Variants in EFNA5 observed in about 807,000 individuals in gnomAD.
The protein encoded by EFNA5 is ephrin-A5.
A neutral mutation model predicts 22.9 loss-of-function variants in EFNA5; 5 were observed. The ratio of observed to expected loss-of-function variants is 0.22; its 90% confidence interval spans 0.11 to 0.46. The LOEUF is 0.46. EFNA5 is among the 20% of genes least tolerant of loss of function. EFNA5 has a pLI of 0.99. For missense variants in EFNA5, 237 were observed against 293.3 expected (o/e 0.81, Z 1.40); for synonymous variants, 113 against 112.2 (o/e 1.01, Z -0.04).
At chr5:107,486,076 T>C (rs25980) in intron 1 of EFNA5, among the ~76,000 whole-genome samples, 91,105 of 152,074 alleles carry the variant, frequency 0.6, 29,375 homozygotes, top group East Asian at 0.85. Context: ...GTCTCGCAGG[T>C]GAAATGACAT....
chr5:107,547,995 T>C (rs1415689349), intron 1 of EFNA5, among the ~76,000 whole-genome samples: 1 of 152,212 alleles, frequency 6.6e-6, no homozygotes, highest in Non-Finnish European at 1.5e-5. Flanking sequence ...AGAAGGTCTA[T>C]ATAAAATTCT....
chr5:107,563,873 G>C (rs946013851), intron 1 of EFNA5, among the ~76,000 whole-genome samples: 3 of 152,184 alleles, frequency 2.0e-5, no homozygotes, highest in Non-Finnish European at 4.4e-5. Context: ...TCTTTCTAAA[G>C]TGCAATTCTC....
At chr5:107,507,080 G>A (rs1747269130) in intron 1 of EFNA5, among the ~76,000 whole-genome samples, 1 of 152,102 alleles carries the variant, frequency 6.6e-6, no homozygotes, top group Admixed American at 6.5e-5. Flanking sequence ...GTCAGAATGA[G>A]AGAGCTATTA....
At chr5:107,570,215 G>C (rs1237778460) in intron 1 of EFNA5, among the ~76,000 whole-genome samples, 1 of 152,176 alleles carries the variant, frequency 6.6e-6, no homozygotes, top group African/African-American at 2.4e-5. Context: ...TAATTACATA[G>C]AGAACCATGC....
rs547169821 is a variant in EFNA5 at position 107,396,168 on chromosome 5, T to C, written c.419-8397A>G. On this transcript the variant is annotated intron_variant, in intron 2 of 4. Transcript: ENST00000333274. ...TTCTGTGAGCCTTTCAAAACCCCTT[T>C]CATTATTATTCTCCTTGGTGAGGGC... is the stretch of plus-strand genomic sequence containing the variant. 2.6e-5 allele frequency among the ~76,000 whole-genome samples: 4 copies of C among 152,330 alleles called. No homozygotes were observed. In the East Asian group the frequency reaches 5.8e-4, roughly 22 times the overall value.
At chr5:107,520,273 C>A (rs1747566701) in intron 1 of EFNA5, among the ~76,000 whole-genome samples, 1 of 152,138 alleles carries the variant, frequency 6.6e-6, no homozygotes, top group Admixed American at 6.6e-5. Context: ...TCACTAAAAG[C>A]TTTATAAAGG....
intron 1 of EFNA5, among the ~76,000 whole-genome samples, chr5:107,519,190 A>T (rs1253947785): frequency 1.3e-5 from 2 of 152,230 alleles, no homozygotes; most frequent in African/African-American, 4.8e-5. Context: ...GCTGTTGCCC[A>T]TGCAAAGTTT....
At chr5:107,481,630 T>A (rs1750463940) in intron 1 of EFNA5, among the ~76,000 whole-genome samples, 1 of 151,924 alleles carries the variant, frequency 6.6e-6, no homozygotes, top group African/African-American at 2.4e-5. Flanking sequence ...GGTGGGTGGA[T>A]CACAAGGTCA....
chr5:107,547,277 T>C (rs1300941022), intron 1 of EFNA5, among the ~76,000 whole-genome samples: 1 of 152,142 alleles, frequency 6.6e-6, no homozygotes, highest in Non-Finnish European at 1.5e-5. Context: ...CATTTTCCCA[T>C]AGATGCCAGT....
chr5:107,625,306 T>C (rs1750120321), intron 1 of EFNA5, among the ~76,000 whole-genome samples: 1 of 152,118 alleles, frequency 6.6e-6, no homozygotes, highest in Non-Finnish European at 1.5e-5. Context: ...AGATTGTCTA[T>C]GCATTCTTAT....
intron 1 of EFNA5, among the ~76,000 whole-genome samples, chr5:107,571,830 T>G (rs1256915764): frequency 6.6e-6 from 1 of 152,138 alleles, no homozygotes; most frequent in Non-Finnish European, 1.5e-5. Flanking sequence ...GGCGAGGTCA[T>G]GTAAAACAGC....
At chr5:107,490,818 G>T (rs962562421) in intron 1 of EFNA5, among the ~76,000 whole-genome samples, 1 of 152,142 alleles carries the variant, frequency 6.6e-6, no homozygotes, top group Non-Finnish European at 1.5e-5. Flanking sequence ...AAGCACCTCA[G>T]TATTAATCCT....
rs918464746 is a variant in EFNA5 at position 107,554,585 on chromosome 5, T to C, written c.125+115904A>G. On this transcript the variant is annotated intron_variant, in intron 1 of 4. Transcript: ENST00000333274. ...AAGAGAAAGGAAACAATTATAATCA[T>C]TTCAGAATTAAAAAGGAGGTAGGAA... 1.8e-4 allele frequency among the ~76,000 whole-genome samples: 27 copies of C among 152,156 alleles called. 1 individual carries two copies. Among genetic ancestry groups the C allele is most frequent in the African/African-American group, 6.3e-4 (26 of 41,432 alleles).
intron 1 of EFNA5, among the ~76,000 whole-genome samples, chr5:107,560,872 G>C (rs577089588): frequency 6.6e-6 from 1 of 152,296 alleles, no homozygotes; most frequent in Non-Finnish European, 1.5e-5. Context: ...TGGCTGCATG[G>C]ACCAAGCTCT....
chr5:107,513,173 T>A (rs1158168702), intron 1 of EFNA5, among the ~76,000 whole-genome samples: 1 of 152,134 alleles, frequency 6.6e-6, no homozygotes, highest in Non-Finnish European at 1.5e-5. Context: ...CTCAGGCTGC[T>A]GTGCTTAAGT....
intron 1 of EFNA5, among the ~76,000 whole-genome samples, chr5:107,648,813 A>G (rs1044477523): frequency 5.9e-5 from 9 of 152,156 alleles, no homozygotes; most frequent in African/African-American, 2.2e-4. Flanking sequence ...TCCTTTTAAT[A>G]AAATCTTTAG....
intron 1 of EFNA5, among the ~76,000 whole-genome samples, chr5:107,593,845 T>A (rs978172690): frequency 4.6e-5 from 7 of 152,176 alleles, no homozygotes; most frequent in African/African-American, 1.7e-4. Flanking sequence ...ATAGCTCAGA[T>A]CTAATTCCTT....
At chr5:107,622,092 T>C (rs1475195592) in intron 1 of EFNA5, among the ~76,000 whole-genome samples, 5 of 151,638 alleles carry the variant, frequency 3.3e-5, no homozygotes, top group Admixed American at 6.6e-5. Context: ...GGCAAGTAGG[T>C]GATCAAGTAT....
At chr5:107,542,151 AG>A (rs1341115243) in intron 1 of EFNA5, among the ~76,000 whole-genome samples, 3 of 152,196 alleles carry the variant, frequency 2.0e-5, no homozygotes, top group Non-Finnish European at 2.9e-5. Context: ...CCACACTTTC[AG>A]GGGGAAAATA....
Sources: allele counts gnomAD v4.1 joint callset (sites outside exome capture counted in the v4.1 genomes callset), GRCh38; gene constraint gnomAD v4.1.1; transcripts MANE v1.5; gene names NCBI Gene and HGNC (gene_info 2026-07-23, HGNC 2026-07-21).